WDR73: variants seen among roughly 807,000 people sequenced by gnomAD.
The protein encoded by WDR73 is integrator complex assembly factor WDR73.
WDR73 carries 30 observed loss-of-function variants against 38.2 expected under a neutral mutation model. The observed-to-expected ratio is 0.79, with a 90% confidence interval of 0.59 to 1.06. The LOEUF is 1.06. WDR73 is among the 50% of genes least tolerant of loss of function. WDR73 has a pLI of 0.00. For missense variants in WDR73, 487 were observed against 467.0 expected, an observed-to-expected ratio of 1.04 and a Z score of -0.40; for synonymous variants, 197 against 176.0, an observed-to-expected ratio of 1.12 and a Z score of -0.94.
rs1460182025 is a variant in WDR73, at chr15:84,643,451, A to G, written c.*19T>C. 1.3e-6 allele frequency: 2 copies of G among 1,550,458 alleles called. No homozygotes were observed. The highest frequency in any genetic ancestry group is 2.4e-5 in the South Asian group (2 of 83,996). On this transcript the variant is annotated 3_prime_UTR_variant, in exon 8 of 8. Transcript: ENST00000434634. ...CAGCTCCTCCCCTTTCTAGAGGCCT[A>G]GATGGAAAGATGCTGGTGTCAGCGG...
Position 84,645,655 on chromosome 15 carries a change from C to T in WDR73, c.699G>A (p.Trp233Ter), listed in dbSNP as rs1482196384. 6.2e-7 allele frequency: 1 copy of T among 1,608,408 alleles called. No homozygotes were observed. Among genetic ancestry groups the T allele is most frequent in the Non-Finnish European group, 8.5e-7 (1 of 1,177,666 alleles). Reference protein sequence around the residue: ...GERWCAEVGSWGQGPGPSIAS... With the variant: ...GERWCAEVGS ...CAATGCTGGGCCCAGGGCCCTGGCCCCAGCTCCCAACTTCAGCACACCATC... is the reference window on the plus strand; with the variant it reads ...CAATGCTGGGCCCAGGGCCCTGGCCTCAGCTCCCAACTTCAGCACACCATC... Residue 233 changes from tryptophan (W) to a stop codon, truncating the protein, a stop_gained, in exon 7 of 8, where the codon TGG becomes TGA. Transcript: ENST00000434634. LOFTEE classifies it high-confidence loss of function.
intron 3 of WDR73, among the ~76,000 whole-genome samples, chr15:84,652,276 C>T (rs554560828): frequency 6.6e-6 from 1 of 152,198 alleles, no homozygotes; most frequent in Non-Finnish European, 1.5e-5. Flanking sequence ...TTCTGAGATT[C>T]CTCTTACCTC....
chr15:84,645,961 C>A, intron 6 of WDR73, 125 bp from the exon 7 acceptor site: 1 of 1,550,640 alleles, frequency 6.4e-7, no homozygotes. Flanking sequence ...TCTCCCTTCC[C>A]ACTCATCTCA....
At chr15:84,643,825 CAGG>C in intron 7 of WDR73, 102 bp from the exon 8 acceptor site, 2 of 1,375,182 alleles carry the variant, frequency 1.5e-6, no homozygotes, top group Non-Finnish European at 1.9e-6. Flanking sequence ...CCATGTTGAC[CAGG>C]ATGGTCTTGA....
At chr15:84,653,505 G>T in intron 2 of WDR73, 127 bp downstream of exon 2, 1 of 665,880 alleles carries the variant, frequency 1.5e-6, no homozygotes. Flanking sequence ...GTGCTGATGG[G>T]GCATCAAATT....
chr15:84,648,319 C>T (rs922430313), intron 4 of WDR73: 8 of 589,220 alleles, frequency 1.4e-5, no homozygotes, highest in African/African-American at 1.1e-4. Flanking sequence ...AGAACTGTTA[C>T]TTACATTAGT....
chr15:84,649,493 A>C (rs1478130015), intron 3 of WDR73, among the ~76,000 whole-genome samples: 1 of 150,692 alleles, frequency 6.6e-6, no homozygotes, highest in Non-Finnish European at 1.5e-5. Context: ...TTTTTGAGAC[A>C]GAGTCTCACT....
chr15:84,645,662 C>A lies in WDR73; in HGVS notation c.692G>T (p.Gly231Val). 6.2e-7 allele frequency: 1 copy of A among 1,608,738 alleles called. No homozygotes were observed. Among genetic ancestry groups the A allele is most frequent in the Non-Finnish European group, 8.5e-7 (1 of 1,177,732 alleles). Residue 231 changes from glycine (G) to valine (V), a missense_variant, in exon 7 of 8, where the codon GGG becomes GTG. Physicochemically the swap from Gly to Val is moderately radical, Grantham distance 109. Coordinates refer to ENST00000434634, the MANE Select transcript of WDR73 (RefSeq NM_032856.5). ...GGGCCCAGGGCCCTGGCCCCAGCTC[C>A]CAACTTCAGCACACCATCTCTCTCC... ...SGGERWCAEV[G>V]SWGQGPGPSI...
intron 7 of WDR73, chr15:84,645,083 T>C (rs1567021528): frequency 1.4e-5 from 8 of 558,618 alleles, no homozygotes; most frequent in Non-Finnish European, 2.0e-5. Flanking sequence ...CCTAAGTAGC[T>C]GGGACTACAG....
rs1283427802 is a variant in WDR73, at chr15:84,643,718, C to T, written c.889G>A (p.Asp297Asn). 3.1e-6 allele frequency: 5 copies of T among 1,612,554 alleles called. No homozygotes were observed. The highest frequency in any genetic ancestry group is 4.2e-6 in the Non-Finnish European group (5 of 1,179,202). Reference protein sequence around the residue: ...LKNCLAISGFDGTVQVYDATS... With the variant: ...LKNCLAISGFNGTVQVYDATS... ...GCATCATAGACCTGGACTGTACCAT[C>T]AAAACCTGAGAATACAGAAAAGAGA... is the stretch of plus-strand genomic sequence containing the variant. Residue 297 changes from aspartate to asparagine, a missense_variant, in exon 8 of 8, where the codon GAT becomes AAT. Transcript: ENST00000434634.
At chr15:84,652,015 G>A (rs1288019592) in intron 3 of WDR73, among the ~76,000 whole-genome samples, 1 of 152,102 alleles carries the variant, frequency 6.6e-6, no homozygotes, top group Non-Finnish European at 1.5e-5. Context: ...TTACAGGTGT[G>A]CGCCACCATG....
Position 84,645,770 on chromosome 15 carries a change from CAGCAGAAGGCAA to C in WDR73, c.572_583del (p.Phe191_Cys194del). The C allele has an allele frequency of 1.2e-6, 2 of 1,613,318 alleles. No homozygotes were observed. Among genetic ancestry groups the C allele is most frequent in the Non-Finnish European group, 1.7e-6 (2 of 1,179,618 alleles). Reference sequence around the variant, plus strand: ...AACAAGCCCCAGCCGGCCTGAAGCACAGCAGAAGGCAAAGGTGTCTGCATCTAGGACCTGCAG... The same window carrying C: ...AACAAGCCCCAGCCGGCCTGAAGCACAGGTGTCTGCATCTAGGACCTGCAG... On this transcript the variant is annotated inframe_deletion, in exon 7 of 8. Coordinates refer to ENST00000434634, the MANE Select transcript of WDR73 (RefSeq NM_032856.5).
intron 3 of WDR73, among the ~76,000 whole-genome samples, chr15:84,650,465 ATTC>A (rs1896587791): frequency 6.6e-6 from 1 of 151,910 alleles, no homozygotes; most frequent in Non-Finnish European, 1.5e-5. Flanking sequence ...GGTTCAAGCA[ATTC>A]TTCTGCCTCA....
At chr15:84,652,537 C>T (rs1009524686) in intron 3 of WDR73, among the ~76,000 whole-genome samples, 177 bp downstream of exon 3, 1 of 152,218 alleles carries the variant, frequency 6.6e-6, no homozygotes, top group African/African-American at 2.4e-5. Context: ...AACCACGAGA[C>T]ATTCTACAGC....
rs1383722703 is a variant in WDR73 at position 84,643,608 on chromosome 15, T to C, written c.999A>G (p.Leu333=). ...GAGCAGGGTCCATCCCATTTCCATC[T>C]AGGAAGATGTGACCTCTGTGAGTGA... The part of the protein sequence containing the change: ...PLFTHRGHIF[L]DGNGMDPAPL... The change falls in exon 8 of 8, where the codon CTA becomes CTG. Residue 333 remains leucine, a synonymous_variant. Coordinates refer to ENST00000434634, the MANE Select transcript of WDR73 (RefSeq NM_032856.5). 5 of 1,612,804 alleles carry C rather than the reference T, an allele frequency of 3.1e-6. No homozygotes were observed. In the Admixed American group the frequency reaches 8.4e-5, roughly 27 times the overall value.
intron 3 of WDR73, among the ~76,000 whole-genome samples, chr15:84,651,072 G>A (rs572140981): frequency 6.6e-5 from 10 of 150,970 alleles, no homozygotes; most frequent in South Asian, 6.3e-4. Flanking sequence ...CTGAGATCGC[G>A]CCACTGCACT....
At chr15:84,649,749 C>T (rs1031748068) in intron 3 of WDR73, among the ~76,000 whole-genome samples, 1 of 152,048 alleles carries the variant, frequency 6.6e-6, no homozygotes, top group Non-Finnish European at 1.5e-5. Flanking sequence ...GGATTACAGA[C>T]ATAAGCCACC....
chr15:84,645,998 C>T (rs2141837390), intron 6 of WDR73, 162 bp from the exon 7 acceptor site: 1 of 1,542,386 alleles, frequency 6.5e-7, no homozygotes. Context: ...TGGTTGGGTG[C>T]TGGTCCCTGG....
At chr15:84,645,437 TC>T in intron 7 of WDR73, 33 bp downstream of exon 7, 9 of 1,608,144 alleles carry the variant, frequency 5.6e-6, no homozygotes, top group Non-Finnish European at 7.6e-6. Context: ...AAGAAAGAGA[TC>T]AGATAACAAG....
Sources: gnomAD v4.1 joint callset for allele counts (sites outside exome capture counted in the v4.1 genomes callset) on GRCh38, gnomAD v4.1.1 for gene constraint, MANE v1.5 for transcripts, NCBI Gene and HGNC (gene_info 2026-07-23, HGNC 2026-07-21) for gene names.